The following ROCK2 variants were observed in gnomAD, a reference collection of about 807,000 sequenced individuals.
The protein encoded by ROCK2 is rho-associated protein kinase 2.
A neutral mutation model predicts 195.1 loss-of-function variants in ROCK2; 61 were observed. The ratio of observed to expected loss-of-function variants is 0.31; its 90% CI spans 0.25 to 0.39. The LOEUF is 0.39. ROCK2 is among the 10% of genes least tolerant of loss of function. The probability of loss-of-function intolerance (pLI) is 1.00; values close to 1 mark genes in which losing one functional copy is unlikely to be tolerated. For missense variants in ROCK2, 1,109 were observed against 1,637.4 expected (o/e 0.68, Z 5.57); for synonymous variants, 504 against 545.5 (o/e 0.92, Z 1.06).
In ROCK2 at chr2:11,208,429, A is replaced by C. The variant is rs764443687; in HGVS notation, c.2222T>G (p.Leu741Trp). 1 of 1,515,622 alleles carries C rather than the reference A, an allele frequency of 6.6e-7. No individual in the cohort carries two copies. The highest frequency in any genetic ancestry group is 1.4e-5 in the South Asian group (1 of 72,912). 93.9% of individuals were successfully genotyped at this position (1,515,622 alleles called of 1,614,324 possible). A position where few individuals can be genotyped will look rare whatever the true frequency, so the allele number is the denominator to read the frequency against. Residue 741 changes from leucine to tryptophan, a missense_variant, in exon 19 of 33, where the codon TTG (leucine) becomes TGG (tryptophan). Coordinates refer to ENST00000315872, the MANE Select transcript of ROCK2 (RefSeq NM_004850.5). The part of the protein sequence containing the change: ...EAMKEMEKKL[L>W]EERTLKQKVE... ...TTTCTGTTTTAAAGTTCTTTCCTCCAAGAGCTTCTTCTCCATTTCTAGTAT... is the reference window on the plus strand; with the variant it reads ...TTTCTGTTTTAAAGTTCTTTCCTCCCAGAGCTTCTTCTCCATTTCTAGTAT...
intron 1 of ROCK2, among the ~76,000 whole-genome samples, chr2:11,302,098 G>A (rs139050434): frequency 1.9e-3 from 289 of 152,108 alleles, no homozygotes; most frequent in Non-Finnish European, 3.3e-3. Flanking sequence ...GAGCCACCAC[G>A]CCCGGCCAGC....
chr2:11,215,545 T>C lies in ROCK2; in HGVS notation c.1562A>G (p.His521Arg). The change falls in exon 14 of 33, where the codon CAT becomes CGT. Residue 521 changes from histidine to arginine, a missense_variant. Physicochemically the swap from His to Arg is conservative, Grantham distance 29. Transcript: ENST00000315872. ...CAAATTTCGTTTTTTGTCTGCTTCA[T>C]GATCAGCTTTCCTCTGATATTCTGC... ...KNAEYQRKADHEADKKRNLEN... is the reference protein window; with the variant it reads ...KNAEYQRKADREADKKRNLEN... 2 of 1,613,496 alleles carry C rather than the reference T, an allele frequency of 1.2e-6. No homozygotes were observed. The highest frequency in any genetic ancestry group is 1.1e-5 in the South Asian group (1 of 90,914).
intron 1 of ROCK2, among the ~76,000 whole-genome samples, chr2:11,310,204 G>C (rs1186383615): frequency 1.3e-5 from 2 of 152,032 alleles, no homozygotes; most frequent in African/African-American, 4.8e-5. Flanking sequence ...CTAAAGTTTG[G>C]TGAGTTTTTT....
At chr2:11,324,783 G>A (rs968338955) in intron 1 of ROCK2, among the ~76,000 whole-genome samples, 2 of 152,198 alleles carry the variant, frequency 1.3e-5, no homozygotes, top group Admixed American at 6.5e-5. Flanking sequence ...TGTCTTGCTT[G>A]TATTATTTCT....
intron 32 of ROCK2, among the ~76,000 whole-genome samples, chr2:11,186,925 T>G (rs541741156): frequency 2.6e-5 from 4 of 152,186 alleles, no homozygotes; most frequent in Non-Finnish European, 5.9e-5. Flanking sequence ...TGTTCATCCC[T>G]ATATTATAAA....
At chr2:11,188,392 G>C (rs989075937) in intron 32 of ROCK2, among the ~76,000 whole-genome samples, 9 of 151,932 alleles carry the variant, frequency 5.9e-5, no homozygotes, top group Non-Finnish European at 1.3e-4. Context: ...TTACAGGTGT[G>C]AGCCACCGCG....
chr2:11,183,562 T>C (rs1388631976), intron 32 of ROCK2, 122 bp from the exon 33 acceptor site: 1 of 653,942 alleles, frequency 1.5e-6, no homozygotes, highest in Admixed American at 3.5e-5. Flanking sequence ...ACTATATTTT[T>C]TAACACTAAA....
intron 3 of ROCK2, among the ~76,000 whole-genome samples, chr2:11,281,212 A>G (rs1666990478): frequency 6.6e-6 from 1 of 150,720 alleles, no homozygotes; most frequent in African/African-American, 2.4e-5. Context: ...ATTATTTAAA[A>G]AAAAAAAAAA....
At chr2:11,223,507 C>T (rs1664705309) in intron 7 of ROCK2, among the ~76,000 whole-genome samples, 1 of 151,980 alleles carries the variant, frequency 6.6e-6, no homozygotes, top group African/African-American at 2.4e-5. Context: ...AATTAATAAG[C>T]AATAAGATGT....
At position 11,188,685 on chromosome 2, in the gene ROCK2, G is replaced by A. The variant is rs575478396; in HGVS notation, c.4163+3463C>T. Among the ~76,000 whole-genome samples the A allele has an allele frequency of 2.1e-3, 323 of 150,978 alleles. 2 individuals are homozygous for A. The highest frequency in any genetic ancestry group is 0.01 in the Admixed American group (152 of 15,172). ...GTCGCCCAGGCTGGAGTGCAGTGGC[G>A]TGATCTCGGCTCACTACAAGCTCCG... On this transcript the variant is annotated intron_variant, in intron 32 of 32. Transcript: ENST00000315872.
intron 3 of ROCK2, among the ~76,000 whole-genome samples, chr2:11,262,291 G>A (rs943973839): frequency 6.6e-6 from 1 of 152,020 alleles, no homozygotes; most frequent in African/African-American, 2.4e-5. Flanking sequence ...AAAGTTAACA[G>A]GGGTTATAAC....
chr2:11,270,924 A>T (rs1316998674), intron 3 of ROCK2, among the ~76,000 whole-genome samples: 1 of 152,202 alleles, frequency 6.6e-6, no homozygotes. Context: ...TGATGCATTG[A>T]GTAAAAGGAA....
chr2:11,267,199 A>C (rs2148157455), intron 3 of ROCK2, among the ~76,000 whole-genome samples: 1 of 152,354 alleles, frequency 6.6e-6, no homozygotes, highest in Non-Finnish European at 1.5e-5. Context: ...TCTATATACC[A>C]ATAGGCAATA....
At chr2:11,225,759 T>G (rs2148083069) in intron 6 of ROCK2, among the ~76,000 whole-genome samples, 1 of 152,260 alleles carries the variant, frequency 6.6e-6, no homozygotes, top group African/African-American at 2.4e-5. Context: ...TTCAAAAGAT[T>G]ACAAGACACA....
At position 11,180,162 on chromosome 2, in the gene ROCK2, T is replaced by C. The variant is rs1662925782; in HGVS notation, c.*3275A>G. On this transcript the variant is annotated 3_prime_UTR_variant, in exon 33 of 33. Transcript: ENST00000315872. ...GAAGCTCGGCAGTGACTTGCTCAAA[T>C]CAGATTTTAGACACGATTTAAAGCA... The C allele has an allele frequency of 6.6e-6, 1 of 152,164 alleles. No individual in the cohort carries two copies. Among genetic ancestry groups the C allele is most frequent in the Non-Finnish European group, 1.5e-5 (1 of 68,036 alleles). The allele number at this position is 152,164 out of a possible 1,614,324, so 9.4% of individuals were successfully genotyped here. A position where few individuals can be genotyped will look rare whatever the true frequency, so the allele number is the denominator to read the frequency against.
At chr2:11,300,371 CT>C (rs1165455045) in intron 1 of ROCK2, among the ~76,000 whole-genome samples, 4 of 152,168 alleles carry the variant, frequency 2.6e-5, no homozygotes, top group African/African-American at 9.7e-5. Flanking sequence ...TCAAGAGATT[CT>C]CCTGCCTCAG....
chr2:11,250,988 C>T (rs929845046), intron 3 of ROCK2, among the ~76,000 whole-genome samples: 6 of 152,282 alleles, frequency 3.9e-5, no homozygotes, highest in African/African-American at 1.4e-4. Context: ...CAATCCCTCA[C>T]TTCCTTAAAT....
intron 3 of ROCK2, among the ~76,000 whole-genome samples, chr2:11,265,971 T>A (rs1172701117): frequency 6.6e-6 from 1 of 151,816 alleles, no homozygotes; most frequent in Non-Finnish European, 1.5e-5. Context: ...TGTATGGCGG[T>A]ACACACCTGT....
Position 11,197,303 on chromosome 2 carries a change from A to G in ROCK2, c.3325T>C (p.Leu1109=). The change falls in exon 27 of 33, where the codon TTG becomes CTG. Residue 1109 remains leucine, a synonymous_variant. Transcript: ENST00000315872. This position sits in a 1 kb window ranked among gnomAD's most constrained non-coding sequence, Gnocchi z 4.9. Reference sequence around the variant, plus strand: ...TCAATGTCACTGTCTTTACTGTCCAATGTCATCTGCAGTTCAATTCGAATC... The same window carrying G: ...TCAATGTCACTGTCTTTACTGTCCAGTGTCATCTGCAGTTCAATTCGAATC... The part of the protein sequence containing the change: ...SQIRIELQMT[L]DSKDSDIEQL... 1 of 1,613,976 alleles carries G rather than the reference A, an allele frequency of 6.2e-7. No homozygotes were observed.
Sources: gnomAD v4.1 joint callset for allele counts (sites outside exome capture counted in the v4.1 genomes callset) on GRCh38, gnomAD v4.1.1 for gene constraint, Gnocchi (gnomAD v3.1) non-coding constraint, MANE v1.5 for transcripts, NCBI Gene and HGNC (gene_info 2026-07-23, HGNC 2026-07-21) for gene names.